Variants in CAMK1D observed in about 807,000 individuals in gnomAD.
The protein encoded by CAMK1D is calcium/calmodulin dependent protein kinase ID.
Under a neutral mutation model 47.7 loss-of-function variants are expected in CAMK1D, and 9 were observed. The observed-to-expected ratio is 0.19, with a 90% CI of 0.11 to 0.33. The LOEUF (loss-of-function observed/expected upper bound fraction) is 0.33, where lower values mean the gene tolerates loss of function less well. Among genes scored for constraint, CAMK1D ranks in the 10% least tolerant of loss-of-function variants. The pLI is 1.00. For synonymous variants in CAMK1D, 184 were observed against 184.9 expected (o/e 0.99, Z 0.04); for missense variants, 291 against 488.7 (o/e 0.60, Z 3.81).
intron 1 of CAMK1D, 51 bp from the exon 2 acceptor site, chr10:12,553,174 T>G: frequency 1.2e-6 from 2 of 1,611,966 alleles, no homozygotes; most frequent in Non-Finnish European, 1.7e-6. Flanking sequence ...GGAGCCATTG[T>G]GAAACTGGAC....
intron 2 of CAMK1D, among the ~76,000 whole-genome samples, chr10:12,659,204 A>G (rs1244310737): frequency 6.6e-6 from 1 of 152,214 alleles, no homozygotes; most frequent in African/African-American, 2.4e-5. Flanking sequence ...TTCACAAGTA[A>G]CAAGTGACTT....
At chr10:12,700,769 A>T (rs958511431) in intron 3 of CAMK1D, among the ~76,000 whole-genome samples, 13 of 152,146 alleles carry the variant, frequency 8.5e-5, no homozygotes, top group African/African-American at 3.1e-4. Flanking sequence ...AGTAACTCGA[A>T]TTTTCTCCCC....
intron 2 of CAMK1D, among the ~76,000 whole-genome samples, chr10:12,628,096 A>AG (rs1554799883): frequency 1.3e-5 from 2 of 149,744 alleles, no homozygotes; most frequent in Non-Finnish European, 3.0e-5. Flanking sequence ...AAAACAAAAA[A>AG]CAAAAAACAA....
At chr10:12,650,294 G>A (rs1379316216) in intron 2 of CAMK1D, among the ~76,000 whole-genome samples, 3 of 152,230 alleles carry the variant, frequency 2.0e-5, no homozygotes, top group East Asian at 1.9e-4. Context: ...GGAGCAGCCC[G>A]ACCAGCGTGC....
chr10:12,774,968 C>G (rs1385725824), intron 5 of CAMK1D, among the ~76,000 whole-genome samples: 1 of 152,210 alleles, frequency 6.6e-6, no homozygotes, highest in Non-Finnish European at 1.5e-5. Context: ...GAGCTGGGAT[C>G]AGGATAGATG....
intron 1 of CAMK1D, among the ~76,000 whole-genome samples, chr10:12,534,168 GTCTATCTATCTATCTA>G (rs3995719): frequency 2.0e-5 from 3 of 151,274 alleles, no homozygotes; most frequent in Non-Finnish European, 4.4e-5. Flanking sequence ...CTATCTATCT[GTCTATCTATCTATCTA>G]TCTGTCTATC....
At chr10:12,619,962 A>G (rs1266250403) in intron 2 of CAMK1D, among the ~76,000 whole-genome samples, 1 of 152,118 alleles carries the variant, frequency 6.6e-6, no homozygotes, top group African/African-American at 2.4e-5. Context: ...ACCTTTTGGG[A>G]TCTTCTTTTT....
intron 3 of CAMK1D, among the ~76,000 whole-genome samples, chr10:12,692,357 G>T (rs1039450419): frequency 2.6e-5 from 4 of 152,146 alleles, no homozygotes; most frequent in Admixed American, 2.6e-4. Context: ...TTTGGTATAT[G>T]TTAGGGAAAA....
chr10:12,522,392 G>A (rs1380854417), intron 1 of CAMK1D, among the ~76,000 whole-genome samples: 1 of 109,230 alleles, frequency 9.2e-6, no homozygotes, highest in African/African-American at 3.3e-5. Context: ...AGGGAGTGGT[G>A]ATGACTCTTA....
intron 3 of CAMK1D, among the ~76,000 whole-genome samples, chr10:12,709,724 T>TTTAC (rs1187169861): frequency 3.3e-5 from 5 of 152,206 alleles, no homozygotes; most frequent in African/African-American, 1.2e-4. Flanking sequence ...AAAATATCTA[T>TTTAC]TTACTTACTG....
intron 3 of CAMK1D, among the ~76,000 whole-genome samples, chr10:12,740,740 C>G (rs540248234): frequency 9.8e-5 from 15 of 152,298 alleles, no homozygotes; most frequent in Non-Finnish European, 1.8e-4. Context: ...GGCAGTGCCT[C>G]TTTTGGAGAG....
At chr10:12,806,052 G>A (rs1308509633) in intron 6 of CAMK1D, among the ~76,000 whole-genome samples, 2 of 152,206 alleles carry the variant, frequency 1.3e-5, no homozygotes, top group South Asian at 2.1e-4. Flanking sequence ...ACCTGTGCAC[G>A]GGGCTTTGGG....
intron 2 of CAMK1D, among the ~76,000 whole-genome samples, chr10:12,623,830 G>A (rs1335582709): frequency 6.6e-6 from 1 of 152,136 alleles, no homozygotes; most frequent in Non-Finnish European, 1.5e-5. Context: ...TGTAATCCCA[G>A]CACCTTGGGA....
chr10:12,600,432 T>G (rs1308143360), intron 2 of CAMK1D, among the ~76,000 whole-genome samples: 1 of 152,224 alleles, frequency 6.6e-6, no homozygotes. Flanking sequence ...CACGCTTGGT[T>G]TGTTTTAACA....
At chr10:12,538,956 A>G (rs1836074847) in intron 1 of CAMK1D, among the ~76,000 whole-genome samples, 2 of 151,672 alleles carry the variant, frequency 1.3e-5, no homozygotes, top group Non-Finnish European at 2.9e-5. Context: ...CAAGAGCAAC[A>G]GGCCTTGTCT....
chr10:12,579,717 C>T (rs767541806), intron 2 of CAMK1D, among the ~76,000 whole-genome samples: 56 of 152,306 alleles, frequency 3.7e-4, no homozygotes, highest in Non-Finnish European at 3.5e-4. Context: ...TGAAGCCTTC[C>T]GGACCAGACC....
intron 2 of CAMK1D, among the ~76,000 whole-genome samples, chr10:12,576,893 C>T (rs59714508): frequency 0.031 from 4,696 of 152,154 alleles, 240 homozygotes; most frequent in African/African-American, 0.11. Context: ...ACCTGCATGC[C>T]GTCTATCTCA....
At chr10:12,400,177 T>C (rs1299103617) in intron 1 of CAMK1D, among the ~76,000 whole-genome samples, 1 of 152,220 alleles carries the variant, frequency 6.6e-6, no homozygotes, top group East Asian at 1.9e-4. Context: ...GGTAGGTTTT[T>C]AACTCGGAAT....
intron 5 of CAMK1D, among the ~76,000 whole-genome samples, chr10:12,790,449 G>C (rs762135320): frequency 1.3e-5 from 2 of 152,190 alleles, no homozygotes; most frequent in African/African-American, 2.4e-5. Flanking sequence ...GAGCTGACTT[G>C]AGGTGACGTC....
Sources: allele counts gnomAD v4.1 joint callset (sites outside exome capture counted in the v4.1 genomes callset), GRCh38; gene constraint gnomAD v4.1.1; transcripts MANE v1.5; gene names NCBI Gene and HGNC (gene_info 2026-07-23, HGNC 2026-07-21).